C2orf80: variants seen among roughly 807,000 people sequenced by gnomAD.
C2orf80 encodes uncharacterized protein C2orf80.
C2orf80 carries 28 observed loss-of-function variants against 30.2 expected under a neutral mutation model. That is an observed-to-expected ratio of 0.93 (90% CI 0.69 to 1.27). C2orf80 has a LOEUF of 1.27. Among genes scored for constraint, C2orf80 ranks in the 50% most tolerant of loss-of-function variants. The pLI is 0.00. For missense variants in C2orf80, 220 were observed against 231.0 expected (o/e 0.95, Z 0.31); for synonymous variants, 80 against 76.4 (o/e 1.05, Z -0.24).
At chr2:208,183,418 G>C (rs557948670) in intron 3 of C2orf80, among the ~76,000 whole-genome samples, 2 of 152,226 alleles carry the variant, frequency 1.3e-5, no homozygotes, top group South Asian at 2.1e-4. Context: ...ATATTCTTAG[G>C]TGAGTAACTG....
At chr2:208,166,003 A>ATT (rs965561909) in intron 8 of C2orf80, among the ~76,000 whole-genome samples, 188 bp from the exon 9 acceptor site, 1 of 152,210 alleles carries the variant, frequency 6.6e-6, no homozygotes, top group African/African-American at 2.4e-5. Flanking sequence ...ATTGAGTTAT[A>ATT]TTTCCCAACT....
At chr2:208,179,363 A>G (rs934221225) in intron 6 of C2orf80, among the ~76,000 whole-genome samples, 2 of 152,252 alleles carry the variant, frequency 1.3e-5, no homozygotes, top group African/African-American at 4.8e-5. Context: ...CACTGCTTGC[A>G]CAATGACCTG....
intron 3 of C2orf80, among the ~76,000 whole-genome samples, chr2:208,183,658 G>A (rs559213928): frequency 6.6e-6 from 1 of 152,252 alleles, no homozygotes; most frequent in East Asian, 1.9e-4. Context: ...CATTGGAGCT[G>A]GGGCTTGTGG....
Position 208,176,941 on chromosome 2 carries a change from C to CTTTATACATA in C2orf80, c.366+3803_366+3804insTATGTATAAA, listed in dbSNP as rs1696341567. On this transcript the variant is annotated intron_variant, in intron 6 of 8. Transcript: ENST00000341287. ...TATCTGTATACATATGTATACATAT[C>CTTTATACATA]TGTATACATATCTGTATACATATGT... Among the ~76,000 whole-genome samples the CTTTATACATA allele has an allele frequency of 6.6e-5, 2 of 30,220 alleles. 1 individual carries two copies. The allele number at this position is 30,220 out of a possible 152,430, so 19.8% of individuals were successfully genotyped here. A position where few individuals can be genotyped will look rare whatever the true frequency, so the allele number is the denominator to read the frequency against.
chr2:208,185,112 C>T (rs1170072053), intron 2 of C2orf80, 80 bp from the exon 3 acceptor site: 6 of 886,322 alleles, frequency 6.8e-6, no homozygotes, highest in Non-Finnish European at 1.1e-5. Flanking sequence ...TTTTTCCCAT[C>T]CCTCCCTCCC....
At chr2:208,181,099 CAAT>C in intron 5 of C2orf80, 116 bp downstream of exon 5, 1 of 772,830 alleles carries the variant, frequency 1.3e-6, no homozygotes. Context: ...CATTTACTAT[CAAT>C]AACTCCTAAA....
At chr2:208,172,224 A>G (rs2105894749) in intron 6 of C2orf80, 149 bp from the exon 7 acceptor site, 1 of 719,166 alleles carries the variant, frequency 1.4e-6, no homozygotes, top group South Asian at 1.5e-5. Flanking sequence ...TCCACAGTCC[A>G]TTGATGGGGC....
chr2:208,183,643 A>T (rs1696630513), intron 3 of C2orf80, among the ~76,000 whole-genome samples: 1 of 152,086 alleles, frequency 6.6e-6, no homozygotes, highest in African/African-American at 2.4e-5. Context: ...CAGAGAGGGA[A>T]GCTGCATTGG....
chr2:208,182,756 G>A (rs980601083), intron 4 of C2orf80, among the ~76,000 whole-genome samples: 1 of 152,150 alleles, frequency 6.6e-6, no homozygotes, highest in East Asian at 1.9e-4. Context: ...AAGTCAATTA[G>A]TATAGAGATG....
rs1180697550 is a variant in C2orf80 at position 208,176,939 on chromosome 2, AT to A, written c.366+3805del. ...CATATCTGTATACATATGTATACAT[AT>A]CTGTATACATATCTGTATACATATG... On this transcript the variant is annotated intron_variant, in intron 6 of 8. Coordinates refer to ENST00000341287, the MANE Select transcript of C2orf80 (RefSeq NM_001099334.3). Among the ~76,000 whole-genome samples the A allele has an allele frequency of 2.4e-4, 11 of 45,802 alleles. 1 individual carries two copies. The highest frequency in any genetic ancestry group is 3.9e-4 in the Non-Finnish European group (7 of 17,844). 30.0% of individuals were successfully genotyped at this position (45,802 alleles called of 152,430 possible).
intron 8 of C2orf80, among the ~76,000 whole-genome samples, chr2:208,170,728 G>A (rs1351207889): frequency 1.3e-5 from 2 of 152,156 alleles, no homozygotes; most frequent in African/African-American, 2.4e-5. Context: ...ACAAGCTTAA[G>A]AGGTAGATAT....
At chr2:208,183,172 C>A in intron 3 of C2orf80, 125 bp from the exon 4 acceptor site, 2 of 645,536 alleles carry the variant, frequency 3.1e-6, no homozygotes, top group Admixed American at 2.8e-5. Flanking sequence ...TGGGAAGGAT[C>A]ATTAGCTTTA....
At chr2:208,173,626 AAAAAAC>A (rs140049286) in intron 6 of C2orf80, among the ~76,000 whole-genome samples, 146,291 of 151,476 alleles carry the variant, frequency 0.97, 70,817 homozygotes, top group Middle Eastern at 1. Context: ...CTCCATCTCA[AAAAAAC>A]AAAAACAAAA....
chr2:208,176,979 A>ATATCT (rs1696362858), intron 6 of C2orf80, among the ~76,000 whole-genome samples: 1 of 98,358 alleles, frequency 1.0e-5, no homozygotes, highest in Non-Finnish European at 2.3e-5. Context: ...ACATATATAC[A>ATATCT]GAAATGTATA....
rs760055566 is a variant in C2orf80 at position 208,180,762 on chromosome 2, C to T, written c.349G>A (p.Asp117Asn). 8.1e-5 allele frequency: 130 copies of T among 1,613,276 alleles called. 1 individual carries two copies. Among genetic ancestry groups the T allele is most frequent in the South Asian group, 4.3e-4 (39 of 91,012 alleles). Reference protein sequence around the residue: ...FKIYGADSSADSGTIKVPRVS... With the variant: ...FKIYGADSSANSGTIKVPRVS... The stretch of plus-strand genomic sequence containing the variant: ...ACCCTTACCTTGATGGTACCAGAAT[C>T]GGCAGAAGAATCAGCCCCATAAATT... Residue 117 changes from aspartate to asparagine, a missense_variant, in exon 6 of 9, where the codon GAT becomes AAT. Asp to Asn is a conservative substitution (Grantham distance 23, BLOSUM62 1). Transcript: ENST00000341287.
Position 208,181,200 on chromosome 2 carries a change from T to C in C2orf80, c.294+18A>G. ...GATATGAAATATTCATATAGGCAGA[T>C]AGTATTCTTTTCCTTACCATTAAGA... On this transcript the variant is annotated intron_variant, in intron 5 of 8. Coordinates refer to ENST00000341287, the MANE Select transcript of C2orf80 (RefSeq NM_001099334.3). The C allele has an allele frequency of 2.0e-6, 3 of 1,469,570 alleles. No homozygotes were observed. The highest frequency in any genetic ancestry group is 1.9e-6 in the Non-Finnish European group (2 of 1,049,190). 91.0% of individuals were successfully genotyped at this position (1,469,570 alleles called of 1,614,324 possible). A position where few individuals can be genotyped will look rare whatever the true frequency, so the allele number is the denominator to read the frequency against.
chr2:208,169,949 C>G (rs1484810869), intron 8 of C2orf80, among the ~76,000 whole-genome samples: 1 of 152,114 alleles, frequency 6.6e-6, no homozygotes, highest in Non-Finnish European at 1.5e-5. Flanking sequence ...ATATAAGGGA[C>G]AGAGAAGACA....
At chr2:208,177,527 G>GGAATA (rs1696400146) in intron 6 of C2orf80, among the ~76,000 whole-genome samples, 1 of 151,880 alleles carries the variant, frequency 6.6e-6, no homozygotes, top group Non-Finnish European at 1.5e-5. Context: ...GGCAACAATA[G>GGAATA]GGAAATTCCA....
At chr2:208,185,151 G>A (rs1248138877) in intron 2 of C2orf80, 119 bp from the exon 3 acceptor site, 1 of 623,792 alleles carries the variant, frequency 1.6e-6, no homozygotes, top group Non-Finnish European at 2.8e-6. Flanking sequence ...ATTTGCAGAT[G>A]CTCTGGTAGC....
Sources: allele counts gnomAD v4.1 joint callset (sites outside exome capture counted in the v4.1 genomes callset), GRCh38; gene constraint gnomAD v4.1.1; transcripts MANE v1.5; gene names NCBI Gene and HGNC (gene_info 2026-07-23, HGNC 2026-07-21).